SYNJ2BP: variants seen among roughly 807,000 people sequenced by gnomAD.
The protein encoded by SYNJ2BP is synaptojanin-2-binding protein.
A neutral mutation model predicts 16.9 loss-of-function variants in SYNJ2BP; 10 were observed. That is an observed-to-expected ratio of 0.59 (90% CI 0.36 to 1.00). The LOEUF (loss-of-function observed/expected upper bound fraction) is 1.00, where lower values mean the gene tolerates loss of function less well. Ranked by LOEUF, SYNJ2BP falls within the 50% of genes least tolerant of loss-of-function variation. The probability of loss-of-function intolerance (pLI) is 0.01; values close to 1 mark genes in which losing one functional copy is unlikely to be tolerated. For synonymous variants in SYNJ2BP, 54 were observed against 68.4 expected, an observed-to-expected ratio of 0.79 and a Z score of 1.04; for missense variants, 162 against 186.7, an observed-to-expected ratio of 0.87 and a Z score of 0.77.
intron 1 of SYNJ2BP, among the ~76,000 whole-genome samples, chr14:70,391,662 G>A (rs1490641959): frequency 6.6e-6 from 1 of 152,134 alleles, no homozygotes; most frequent in African/African-American, 2.4e-5. Flanking sequence ...TTAAGCAGCT[G>A]AATGCAATGT....
intron 3 of SYNJ2BP, among the ~76,000 whole-genome samples, chr14:70,374,089 C>T (rs1887574361): frequency 6.6e-6 from 1 of 152,212 alleles, no homozygotes; most frequent in Non-Finnish European, 1.5e-5. Flanking sequence ...ATTGCCTGAA[C>T]ATAAGGGTCT....
Position 70,372,100 on chromosome 14 carries a change from C to A in SYNJ2BP, c.*891G>T, listed in dbSNP as rs1291708959. ...GGCTGTTATAAGAATAAATATTGTT[C>A]TTCTAAGATTTTTAATTAGTTGCTT... is the stretch of plus-strand genomic sequence containing the variant. On this transcript the variant is annotated 3_prime_UTR_variant, in exon 4 of 4. Coordinates refer to ENST00000256366, the MANE Select transcript of SYNJ2BP (RefSeq NM_018373.3). 1 of 151,978 alleles carries A rather than the reference C, an allele frequency of 6.6e-6. No individual in the cohort carries two copies. Among genetic ancestry groups the A allele is most frequent in the Non-Finnish European group, 1.5e-5 (1 of 67,996 alleles). 9.4% of individuals were successfully genotyped at this position (151,978 alleles called of 1,614,324 possible).
At chr14:70,400,268 G>A (rs1888207151) in intron 1 of SYNJ2BP, among the ~76,000 whole-genome samples, 1 of 152,118 alleles carries the variant, frequency 6.6e-6, no homozygotes, top group Admixed American at 6.5e-5. Flanking sequence ...TAAGAAATTT[G>A]GTAACCTCTG....
intron 1 of SYNJ2BP, among the ~76,000 whole-genome samples, chr14:70,404,574 T>A (rs1321291192): frequency 6.6e-6 from 1 of 152,212 alleles, no homozygotes; most frequent in Non-Finnish European, 1.5e-5. Flanking sequence ...CTAGAAATTA[T>A]GAAATGGTTC....
intron 2 of SYNJ2BP, among the ~76,000 whole-genome samples, chr14:70,377,638 T>C (rs1887660598): frequency 6.6e-6 from 1 of 152,196 alleles, no homozygotes; most frequent in Non-Finnish European, 1.5e-5. Context: ...TCCTTTCCCC[T>C]AGTCTCTGAA....
intron 3 of SYNJ2BP, among the ~76,000 whole-genome samples, chr14:70,375,131 G>C (rs78258997): frequency 0.015 from 2,323 of 150,852 alleles, 36 homozygotes; most frequent in South Asian, 0.036. Flanking sequence ...TATCTTTAAG[G>C]CATATTATCT....
intron 1 of SYNJ2BP, among the ~76,000 whole-genome samples, chr14:70,390,023 C>G (rs528067380): frequency 9.0e-4 from 136 of 151,186 alleles, no homozygotes; most frequent in Non-Finnish European, 1.6e-3. Flanking sequence ...GTAGATCTCA[C>G]GTTAAGTGTT....
intron 1 of SYNJ2BP, among the ~76,000 whole-genome samples, chr14:70,399,304 T>C (rs542568660): frequency 6.6e-6 from 1 of 152,292 alleles, no homozygotes; most frequent in East Asian, 1.9e-4. Context: ...CATCTCGGCC[T>C]CGCCCCATAG....
intron 2 of SYNJ2BP, among the ~76,000 whole-genome samples, chr14:70,386,750 CAT>C (rs1566617848): frequency 6.6e-6 from 1 of 152,184 alleles, no homozygotes; most frequent in African/African-American, 2.4e-5. Context: ...AGATTTCACA[CAT>C]ATGACCTTTA....
At chr14:70,404,025 A>G (rs936985612) in intron 1 of SYNJ2BP, among the ~76,000 whole-genome samples, 16 of 152,232 alleles carry the variant, frequency 1.1e-4, no homozygotes, top group African/African-American at 3.9e-4. Flanking sequence ...ATATGCATGT[A>G]TGTAACGTCA....
At chr14:70,384,548 A>G (rs561242143) in intron 2 of SYNJ2BP, among the ~76,000 whole-genome samples, 4 of 152,180 alleles carry the variant, frequency 2.6e-5, no homozygotes, top group African/African-American at 4.8e-5. Context: ...GGATCTAGAA[A>G]GAAGAATTTT....
In SYNJ2BP at chr14:70,370,627, C is replaced by T. The variant is rs1351231343; in HGVS notation, c.*2364G>A. 4 of 152,198 alleles carry T rather than the reference C, an allele frequency of 2.6e-5. No individual in the cohort carries two copies. The highest frequency in any genetic ancestry group is 6.5e-5 in the Admixed American group (1 of 15,272). 9.4% of individuals were successfully genotyped at this position (152,198 alleles called of 1,614,324 possible). A position where few individuals can be genotyped will look rare whatever the true frequency, so the allele number is the denominator to read the frequency against. ...GCCATTATGTGACATCTTTTTTTCCCTGAATTTCTAAAAGAAAATGTGATG... is the reference window on the plus strand; with the variant it reads ...GCCATTATGTGACATCTTTTTTTCCTTGAATTTCTAAAAGAAAATGTGATG... On this transcript the variant is annotated 3_prime_UTR_variant, in exon 4 of 4. Coordinates refer to ENST00000256366, the MANE Select transcript of SYNJ2BP (RefSeq NM_018373.3).
intron 1 of SYNJ2BP, among the ~76,000 whole-genome samples, chr14:70,401,169 A>T (rs1039884698): frequency 1.3e-5 from 2 of 152,194 alleles, no homozygotes; most frequent in Non-Finnish European, 2.9e-5. Flanking sequence ...TTGCAAGCAC[A>T]AGAGGGAAAA....
At chr14:70,375,591 A>C in intron 3 of SYNJ2BP, 85 bp downstream of exon 3, 1 of 1,492,350 alleles carries the variant, frequency 6.7e-7, no homozygotes, top group East Asian at 2.4e-5. Flanking sequence ...ACAAAAAGCA[A>C]CACTGAAGAT....
At chr14:70,373,483 G>T (rs1241254781) in intron 3 of SYNJ2BP, among the ~76,000 whole-genome samples, 1 of 152,096 alleles carries the variant, frequency 6.6e-6, no homozygotes, top group Non-Finnish European at 1.5e-5. Context: ...TAGGGAACTT[G>T]GATATTACTT....
intron 1 of SYNJ2BP, among the ~76,000 whole-genome samples, chr14:70,412,633 C>CAG (rs1386070231): frequency 2.0e-3 from 111 of 54,308 alleles, no homozygotes; most frequent in South Asian, 4.0e-3. Flanking sequence ...TATATAGTAA[C>CAG]TAGCACACTA....
intron 3 of SYNJ2BP, among the ~76,000 whole-genome samples, 165 bp downstream of exon 3, chr14:70,375,511 C>T (rs1398240214): frequency 1.3e-5 from 2 of 152,110 alleles, no homozygotes; most frequent in African/African-American, 2.4e-5. Context: ...GAATGTCCTT[C>T]AATGATAAGC....
chr14:70,398,930 T>C (rs1888167881), intron 1 of SYNJ2BP, among the ~76,000 whole-genome samples: 1 of 152,140 alleles, frequency 6.6e-6, no homozygotes, highest in Middle Eastern at 3.4e-3. Flanking sequence ...AGGGGGCCTC[T>C]AGGAGCAGAT....
At chr14:70,385,804 C>T (rs908508446) in intron 2 of SYNJ2BP, among the ~76,000 whole-genome samples, 1 of 152,122 alleles carries the variant, frequency 6.6e-6, no homozygotes, top group Non-Finnish European at 1.5e-5. Flanking sequence ...AACAGTATAA[C>T]ATAGTGGTTT....
Sources: allele counts gnomAD v4.1 joint callset (sites outside exome capture counted in the v4.1 genomes callset), GRCh38; gene constraint gnomAD v4.1.1; transcripts MANE v1.5; gene names NCBI Gene and HGNC (gene_info 2026-07-23, HGNC 2026-07-21).